The following CPSF4 variants were observed in gnomAD, a reference collection of about 807,000 sequenced individuals.
CPSF4 encodes cleavage and polyadenylation specificity factor subunit 4.
Under a neutral mutation model 37.7 loss-of-function variants are expected in CPSF4, and 11 were observed. The ratio of observed to expected loss-of-function variants is 0.29; its 90% CI spans 0.18 to 0.48. CPSF4 has a LOEUF of 0.48. Ranked by LOEUF, CPSF4 falls within the 20% of genes least tolerant of loss-of-function variation. The pLI is 0.99. For synonymous variants in CPSF4, 132 were observed against 135.9 expected (o/e 0.97, Z 0.20); for missense variants, 144 against 359.5 (o/e 0.40, Z 4.85).
At chr7:99,450,140 G>T in intron 3 of CPSF4, 136 bp from the exon 4 acceptor site, 1 of 690,646 alleles carries the variant, frequency 1.4e-6, no homozygotes, top group South Asian at 1.6e-5. Flanking sequence ...GGAAGCTGGG[G>T]CTCAGAAACA....
intron 7 of CPSF4, among the ~76,000 whole-genome samples, chr7:99,454,802 G>A (rs1355909817): frequency 6.6e-6 from 1 of 152,140 alleles, no homozygotes; most frequent in East Asian, 1.9e-4. Context: ...CACGTGGCAG[G>A]AGTAACCCCC....
At chr7:99,447,129 A>AC (rs397737680) in intron 2 of CPSF4, among the ~76,000 whole-genome samples, 142 of 150,796 alleles carry the variant, frequency 9.4e-4, no homozygotes, top group Non-Finnish European at 1.8e-3. Flanking sequence ...TTACTTACTT[A>AC]TTTATTTATG....
In CPSF4 at chr7:99,453,887, C is replaced by T; in HGVS notation, c.571-79C>T. The T allele has an allele frequency of 7.1e-7, 1 of 1,409,602 alleles. No individual in the cohort carries two copies. The highest frequency in any genetic ancestry group is 9.9e-7 in the Non-Finnish European group (1 of 1,014,580). The allele number at this position is 1,409,602 out of a possible 1,614,324, so 87.3% of individuals were successfully genotyped here. A position where few individuals can be genotyped will look rare whatever the true frequency, so the allele number is the denominator to read the frequency against. ...CTGCCGTTTGCGGGACGAGTCCCGC[C>T]CTCTTTTTTCCTGTCCCCATCGGTA... is the stretch of plus-strand genomic sequence containing the variant. On this transcript the variant is annotated intron_variant, in intron 6 of 7. Transcript: ENST00000292476. This position sits in a 1 kb window ranked among gnomAD's most constrained non-coding sequence, Gnocchi z 4.7.
intron 7 of CPSF4, 138 bp from the exon 8 acceptor site, chr7:99,456,294 T>C: frequency 2.7e-6 from 2 of 736,506 alleles, no homozygotes; most frequent in Non-Finnish European, 4.7e-6. Context: ...TCTGTACCAC[T>C]GAGAATTTCA....
intron 1 of CPSF4, chr7:99,442,763 G>A: frequency 1.6e-6 from 1 of 633,910 alleles, no homozygotes; most frequent in Non-Finnish European, 2.8e-6. Flanking sequence ...GCAGTTCACA[G>A]TTTTACCTGG....
At chr7:99,447,350 C>A (rs143088262) in intron 2 of CPSF4, among the ~76,000 whole-genome samples, 1,903 of 150,252 alleles carry the variant, frequency 0.013, 37 homozygotes, top group African/African-American at 0.044. Flanking sequence ...GTCACTGCAA[C>A]CTCCGCCTCC....
At position 99,448,517 on chromosome 7, in the gene CPSF4, C is replaced by G; in HGVS notation, c.307+244C>G. 1 of 384,608 alleles carries G rather than the reference C, an allele frequency of 2.6e-6. No individual in the cohort carries two copies. The highest frequency in any genetic ancestry group is 4.5e-6 in the Non-Finnish European group (1 of 220,310). 23.8% of individuals were successfully genotyped at this position (384,608 alleles called of 1,614,324 possible). A position where few individuals can be genotyped will look rare whatever the true frequency, so the allele number is the denominator to read the frequency against. On this transcript the variant is annotated intron_variant, in intron 3 of 7. Coordinates refer to ENST00000292476, the MANE Select transcript of CPSF4 (RefSeq NM_006693.4). The surrounding 1 kb of genome is among the most constrained non-coding windows in gnomAD (Gnocchi z 4.4). ...GTCTCGCTATGTTTCACATACTGGT[C>G]TTGAACTCCTGGGCTCGAGTGATCT...
chr7:99,451,274 G>A (rs1797914483), intron 5 of CPSF4, among the ~76,000 whole-genome samples: 1 of 152,204 alleles, frequency 6.6e-6, no homozygotes, highest in Admixed American at 6.5e-5. Flanking sequence ...CTCAGTCCCT[G>A]GCCAAGGGCA....
In CPSF4 at chr7:99,453,946, T is replaced by C; in HGVS notation, c.571-20T>C. 6.2e-7 allele frequency: 1 copy of C among 1,611,950 alleles called. No individual in the cohort carries two copies. Among genetic ancestry groups the C allele is most frequent in the African/African-American group, 1.3e-5 (1 of 75,002 alleles). On this transcript the variant is annotated intron_variant, in intron 6 of 7. Transcript: ENST00000292476. This position sits in a 1 kb window ranked among gnomAD's most constrained non-coding sequence, Gnocchi z 4.7. Reference sequence around the variant, plus strand: ...GCACGTGTTTTCCACAGTAAAACCGTGTTGTGTAACTCTTTCCAGCAAAGT... The same window carrying C: ...GCACGTGTTTTCCACAGTAAAACCGCGTTGTGTAACTCTTTCCAGCAAAGT...
At chr7:99,443,946 C>A (rs1479284900) in intron 1 of CPSF4, among the ~76,000 whole-genome samples, 1 of 151,918 alleles carries the variant, frequency 6.6e-6, no homozygotes, top group Admixed American at 6.6e-5. Flanking sequence ...AAATTGTGTA[C>A]GGATGTTGCA....
Position 99,440,674 on chromosome 7 carries a change from A to ATATATATATATATATATGTTTTTTTTTT in CPSF4, c.103+1490_103+1491insATATATATATATATATGTTTTTTTTTTT. Among the ~76,000 whole-genome samples, 11 of 88,088 alleles carry ATATATATATATATATATGTTTTTTTTTT rather than the reference A, an allele frequency of 1.2e-4. 1 individual carries two copies. The highest frequency in any genetic ancestry group is 1.9e-4 in the African/African-American group (2 of 10,312). 57.8% of individuals were successfully genotyped at this position (88,088 alleles called of 152,430 possible). On this transcript the variant is annotated intron_variant, in intron 1 of 7. Coordinates refer to ENST00000292476, the MANE Select transcript of CPSF4 (RefSeq NM_006693.4). ...ACCTGGCATATATATATATATATAT[A>ATATATATATATATATATGTTTTTTTTTT]TTTTTTTTTTTTTTTTTTTCCTGCC...
chr7:99,455,921 G>A (rs1193266971), intron 7 of CPSF4, among the ~76,000 whole-genome samples: 1 of 152,238 alleles, frequency 6.6e-6, no homozygotes, highest in African/African-American at 2.4e-5. Flanking sequence ...CCCAGCAGTG[G>A]CTCCCCAAGG....
At chr7:99,439,455 T>A (rs888552608) in intron 1 of CPSF4, 1 of 361,732 alleles carries the variant, frequency 2.8e-6, no homozygotes, top group Non-Finnish European at 5.0e-6. Flanking sequence ...GACCTCCTCT[T>A]CTGGATCCCG....
Position 99,450,388 on chromosome 7 carries a change from G to C in CPSF4, c.403+17G>C. 1 of 1,578,380 alleles carries C rather than the reference G, an allele frequency of 6.3e-7. No homozygotes were observed. The highest frequency in any genetic ancestry group is 2.2e-5 in the East Asian group (1 of 44,632). ...GCAAGCACGGTAGGTGCCAGGGTGGGCTGGGCCCCGGGCAAGAAGCCAGTC... is the reference window on the plus strand; with the variant it reads ...GCAAGCACGGTAGGTGCCAGGGTGGCCTGGGCCCCGGGCAAGAAGCCAGTC... On this transcript the variant is annotated intron_variant, in intron 4 of 7. Transcript: ENST00000292476.
In CPSF4 at chr7:99,448,886, T is replaced by C. The variant is rs1797742630; in HGVS notation, c.307+613T>C. 6.6e-6 allele frequency: 1 copy of C among 152,500 alleles called. No individual in the cohort carries two copies. Among genetic ancestry groups the C allele is most frequent in the African/African-American group, 2.4e-5 (1 of 41,462 alleles). 9.4% of individuals were successfully genotyped at this position (152,500 alleles called of 1,614,324 possible). Reference sequence around the variant, plus strand: ...TAACAGCCTCAGATGTGTCTTCTGGTAGCAACAAACTTGCCTTGAGCCCTG... The same window carrying C: ...TAACAGCCTCAGATGTGTCTTCTGGCAGCAACAAACTTGCCTTGAGCCCTG... On this transcript the variant is annotated intron_variant, in intron 3 of 7. Coordinates refer to ENST00000292476, the MANE Select transcript of CPSF4 (RefSeq NM_006693.4). The surrounding 1 kb of genome is among the most constrained non-coding windows in gnomAD (Gnocchi z 4.4).
intron 5 of CPSF4, among the ~76,000 whole-genome samples, 185 bp from the exon 6 acceptor site, chr7:99,452,183 C>T (rs957869564): frequency 5.3e-5 from 8 of 152,202 alleles, no homozygotes; most frequent in African/African-American, 1.9e-4. Flanking sequence ...CCTGTGGCCT[C>T]CCAGGAGCAG....
At position 99,448,533 on chromosome 7, in the gene CPSF4, C is replaced by T. The variant is rs1005282769; in HGVS notation, c.307+260C>T. On this transcript the variant is annotated intron_variant, in intron 3 of 7. Transcript: ENST00000292476. The surrounding 1 kb of genome is among the most constrained non-coding windows in gnomAD (Gnocchi z 4.4). Reference sequence around the variant, plus strand: ...CATACTGGTCTTGAACTCCTGGGCTCGAGTGATCTGCCTGCCTCAGCCTCC... The same window carrying T: ...CATACTGGTCTTGAACTCCTGGGCTTGAGTGATCTGCCTGCCTCAGCCTCC... 1.5e-5 allele frequency: 5 copies of T among 343,478 alleles called. No individual in the cohort carries two copies. The highest frequency in any genetic ancestry group is 2.2e-5 in the African/African-American group (1 of 45,384). The allele number at this position is 343,478 out of a possible 1,614,324, so 21.3% of individuals were successfully genotyped here.
chr7:99,456,126 G>A (rs1200541598), intron 7 of CPSF4, among the ~76,000 whole-genome samples: 1 of 152,254 alleles, frequency 6.6e-6, no homozygotes, highest in African/African-American at 2.4e-5. Flanking sequence ...GGCAGGCCAT[G>A]TGTCCAGGTG....
intron 1 of CPSF4, among the ~76,000 whole-genome samples, chr7:99,440,828 A>C (rs1041940660): frequency 1.3e-5 from 2 of 150,968 alleles, no homozygotes; most frequent in Admixed American, 1.3e-4. Context: ...ACACAGGCAC[A>C]AACACCATCA....
Sources: gnomAD v4.1 joint callset for allele counts (sites outside exome capture counted in the v4.1 genomes callset) on GRCh38, gnomAD v4.1.1 for gene constraint, Gnocchi (gnomAD v3.1) non-coding constraint, MANE v1.5 for transcripts, NCBI Gene and HGNC (gene_info 2026-07-23, HGNC 2026-07-21) for gene names.